Variants in KIAA0586 observed in about 807,000 individuals in gnomAD.
KIAA0586 encodes the protein protein TALPID3.
KIAA0586 carries 144 observed loss-of-function variants against 169.8 expected under a neutral mutation model. The ratio of observed to expected loss-of-function variants is 0.85; its 90% CI spans 0.74 to 0.97. The LOEUF is 0.97. Ranked by LOEUF, KIAA0586 falls within the 50% of genes least tolerant of loss-of-function variation. The probability of loss-of-function intolerance (pLI) is 0.00; values close to 1 mark genes in which losing one functional copy is unlikely to be tolerated. For synonymous variants in KIAA0586, 625 were observed against 612.4 expected (o/e 1.02, Z -0.30); for missense variants, 1,854 against 1,823.0 (o/e 1.02, Z -0.31).
chr14:58,503,805 A>G (rs902234807), intron 27 of KIAA0586, among the ~76,000 whole-genome samples: 20 of 151,158 alleles, frequency 1.3e-4, no homozygotes, highest in African/African-American at 4.7e-4. Context: ...GACAGGGGAC[A>G]AAGGCAAAAA....
At position 58,461,096 on chromosome 14, in the gene KIAA0586, C is replaced by G. The variant is rs759480689; in HGVS notation, c.1995C>G (p.Leu665=). The stretch of plus-strand genomic sequence containing the variant: ...GCACTCTTAAAAAAGGACCATATCT[C>G]AGATTTAATTCTCCATCTCCTAAGT... ...HRSTLKKGPY[L]RFNSPSPKSR... is the part of the protein sequence containing the mutation. The change falls in exon 14 of 31, where the codon CTC becomes CTG. Residue 665 remains leucine, a synonymous_variant. Coordinates refer to ENST00000652326, the MANE Select transcript of KIAA0586 (RefSeq NM_001329943.3). 6.2e-7 allele frequency: 1 copy of G among 1,611,556 alleles called. No homozygotes were observed. The highest frequency in any genetic ancestry group is 8.5e-7 in the Non-Finnish European group (1 of 1,178,772).
intron 1 of KIAA0586, 106 bp from the exon 2 acceptor site, chr14:58,429,257 C>A: frequency 1.6e-6 from 1 of 642,208 alleles, no homozygotes; most frequent in Middle Eastern, 4.0e-4. Flanking sequence ...GTCTTTCCAA[C>A]TTCTGCGTTA....
intron 29 of KIAA0586, among the ~76,000 whole-genome samples, chr14:58,529,807 TG>T (rs1413656524): frequency 6.6e-6 from 1 of 152,136 alleles, no homozygotes; most frequent in African/African-American, 2.4e-5. Context: ...AAGACAAGGA[TG>T]CCCTCTCTCA....
In KIAA0586 at chr14:58,531,422, C is replaced by G. The variant is rs185870234; in HGVS notation, c.4430-8649C>G. Among the ~76,000 whole-genome samples the G allele has an allele frequency of 3.7e-3, 563 of 151,880 alleles. 4 individuals are homozygous for G. Among genetic ancestry groups the G allele is most frequent in the Non-Finnish European group, 6.8e-3 (462 of 67,948 alleles). ...CAAACGAAGACATTTATGTGGCCAACAAAGATCTGAAAAAAGGCTCATCAT... is the reference window on the plus strand; with the variant it reads ...CAAACGAAGACATTTATGTGGCCAAGAAAGATCTGAAAAAAGGCTCATCAT... On this transcript the variant is annotated intron_variant, in intron 29 of 30. Transcript: ENST00000652326.
rs1419193156 is a variant in KIAA0586, at chr14:58,453,263, T to G, written c.1130-87T>G. On this transcript the variant is annotated intron_variant, in intron 8 of 30. Transcript: ENST00000652326. ...AGATAATCATCATAAGAAGCTAACT[T>G]AGGCCAGAATACAAATATGTGAGAT... The G allele has an allele frequency of 1.9e-5, 14 of 733,138 alleles. No individual in the cohort carries two copies. The South Asian group carries it at 3.0e-4, about 16-fold the overall frequency. 45.4% of individuals were successfully genotyped at this position (733,138 alleles called of 1,614,324 possible).
At chr14:58,560,050 C>T in the KIAA0586 span, among the ~76,000 whole-genome samples, 1 of 151,390 alleles carries the variant, frequency 6.6e-6, no homozygotes, top group Admixed American at 6.6e-5. Context: ...ACTCGGGAGG[C>T]TGAGGCAGGA....
At chr14:58,520,020 T>A (rs988361862) in intron 29 of KIAA0586, among the ~76,000 whole-genome samples, 1 of 152,200 alleles carries the variant, frequency 6.6e-6, no homozygotes. Flanking sequence ...AGTATTAACA[T>A]ACATTTTTAT....
At chr14:58,531,873 A>C (rs556705855) in intron 29 of KIAA0586, among the ~76,000 whole-genome samples, 1 of 152,182 alleles carries the variant, frequency 6.6e-6, no homozygotes, top group Non-Finnish European at 1.5e-5. Flanking sequence ...TGACTAGTTC[A>C]TGTCCTTTGC....
intron 2 of KIAA0586, 56 bp from the exon 3 acceptor site, chr14:58,430,592 A>G (rs1454030841): frequency 1.3e-5 from 15 of 1,117,592 alleles, no homozygotes; most frequent in Admixed American, 4.0e-5. Context: ...ACGGTTCTTG[A>G]TAAATAATAA....
chr14:58,527,457 A>G (rs2045667007), intron 29 of KIAA0586, among the ~76,000 whole-genome samples: 1 of 152,174 alleles, frequency 6.6e-6, no homozygotes, highest in African/African-American at 2.4e-5. Flanking sequence ...GCCAGAGAGA[A>G]AGGTTGGGTT....
chr14:58,542,985 G>A (rs552229455), intron 30 of KIAA0586, among the ~76,000 whole-genome samples: 54 of 151,986 alleles, frequency 3.6e-4, no homozygotes, highest in Non-Finnish European at 2.5e-4. Flanking sequence ...AAAATTAGCC[G>A]GGCGTGGTGG....
At chr14:58,506,598 A>G (rs1326704639) in intron 27 of KIAA0586, among the ~76,000 whole-genome samples, 5 of 151,614 alleles carry the variant, frequency 3.3e-5, no homozygotes, top group African/African-American at 1.2e-4. Context: ...GAGGCAGAAG[A>G]ATCGCTTGAA....
intron 30 of KIAA0586, among the ~76,000 whole-genome samples, chr14:58,542,608 T>C (rs1410665590): frequency 6.6e-6 from 1 of 152,154 alleles, no homozygotes; most frequent in Non-Finnish European, 1.5e-5. Context: ...TTAGAGGCCT[T>C]CCAGAGTGTA....
chr14:58,533,678 C>T (rs538075636), intron 29 of KIAA0586, among the ~76,000 whole-genome samples: 6 of 152,306 alleles, frequency 3.9e-5, no homozygotes, highest in East Asian at 1.9e-4. Flanking sequence ...AGCACTGCTG[C>T]GATGGCCTTG....
chr14:58,526,988 A>T (rs917852330), intron 29 of KIAA0586, among the ~76,000 whole-genome samples: 1 of 152,056 alleles, frequency 6.6e-6, no homozygotes, highest in Non-Finnish European at 1.5e-5. Flanking sequence ...AACTAGAATC[A>T]CCAGTTTAGA....
At chr14:58,444,534 CT>C (rs2038687091) in intron 6 of KIAA0586, among the ~76,000 whole-genome samples, 5 of 152,082 alleles carry the variant, frequency 3.3e-5, no homozygotes, top group Admixed American at 3.3e-4. Context: ...GGAGATTTTC[CT>C]GCCTCAGCCT....
chr14:58,543,097 A>G (rs2046754949), intron 30 of KIAA0586, among the ~76,000 whole-genome samples: 1 of 146,006 alleles, frequency 6.8e-6, no homozygotes, highest in Non-Finnish European at 1.5e-5. Flanking sequence ...GCGCCACTGC[A>G]CTCCAGCCTG....
At chr14:58,445,954 C>T (rs527726846) in intron 6 of KIAA0586, among the ~76,000 whole-genome samples, 2 of 151,562 alleles carry the variant, frequency 1.3e-5, no homozygotes, top group African/African-American at 4.8e-5. Flanking sequence ...CTGCAGCCTC[C>T]GCCTCCCATG....
chr14:58,441,075 T>A (rs979307209), intron 4 of KIAA0586: 5 of 207,504 alleles, frequency 2.4e-5, no homozygotes, highest in Non-Finnish European at 5.1e-5. Flanking sequence ...AATGTATACA[T>A]ATATCAAAAT....
Sources: gnomAD v4.1 joint callset for allele counts (sites outside exome capture counted in the v4.1 genomes callset) on GRCh38, gnomAD v4.1.1 for gene constraint, MANE v1.5 for transcripts, NCBI Gene and HGNC (gene_info 2026-07-23, HGNC 2026-07-21) for gene names.